Variants in GRM8 observed in about 807,000 individuals in gnomAD.
The protein encoded by GRM8 is metabotropic glutamate receptor 8.
In GRM8, 47 loss-of-function variants were observed where a neutral mutation model predicts 87.2. The observed-to-expected ratio is 0.54, with a 90% CI of 0.43 to 0.69. The LOEUF is 0.69. Among genes scored for constraint, GRM8 ranks in the 30% least tolerant of loss-of-function variants. The probability of loss-of-function intolerance (pLI) is 0.00; values close to 1 mark genes in which losing one functional copy is unlikely to be tolerated. For missense variants in GRM8, 1,019 were observed against 1,139.2 expected (o/e 0.89, Z 1.52); for synonymous variants, 396 against 404.5 (o/e 0.98, Z 0.25).
intron 2 of GRM8, among the ~76,000 whole-genome samples, chr7:127,208,518 CT>C (rs1285769892): frequency 1.3e-5 from 2 of 152,192 alleles, no homozygotes; most frequent in Non-Finnish European, 2.9e-5. Flanking sequence ...CATGATGAAA[CT>C]GACATAGCAA....
At chr7:127,164,182 C>T (rs1793297845) in intron 2 of GRM8, among the ~76,000 whole-genome samples, 1 of 152,126 alleles carries the variant, frequency 6.6e-6, no homozygotes, top group African/African-American at 2.4e-5. Flanking sequence ...TGCGATGTGC[C>T]TGCTCCCCCT....
chr7:126,964,056 G>A (rs1809590709), intron 3 of GRM8, among the ~76,000 whole-genome samples: 1 of 152,128 alleles, frequency 6.6e-6, no homozygotes, highest in South Asian at 2.1e-4. Context: ...ACAAAAACAA[G>A]AAATGGGGAA....
intron 3 of GRM8, among the ~76,000 whole-genome samples, chr7:127,025,982 C>T (rs1816740229): frequency 6.6e-6 from 1 of 152,060 alleles, no homozygotes; most frequent in Admixed American, 6.6e-5. Flanking sequence ...GGTATTTCTC[C>T]TAATGTTATC....
intron 8 of GRM8, among the ~76,000 whole-genome samples, chr7:126,602,453 T>A (rs899316780): frequency 2.5e-5 from 3 of 117,922 alleles, no homozygotes; most frequent in African/African-American, 8.3e-5. Flanking sequence ...AAAGTAGTTT[T>A]TTCCAATTCT....
chr7:127,147,039 G>A (rs1486312399), intron 2 of GRM8, among the ~76,000 whole-genome samples: 1 of 152,062 alleles, frequency 6.6e-6, no homozygotes, highest in Non-Finnish European at 1.5e-5. Flanking sequence ...CTCTCCGTAA[G>A]TTAGATGGTA....
intron 2 of GRM8, chr7:127,229,308 C>CG (rs1194028097): frequency 6.6e-6 from 1 of 152,284 alleles, no homozygotes; most frequent in Non-Finnish European, 1.5e-5. Context: ...ATGGGGCATT[C>CG]GGTAAAGGAG....
intron 6 of GRM8, among the ~76,000 whole-genome samples, chr7:126,877,319 T>C (rs1001831849): frequency 6.6e-6 from 1 of 152,232 alleles, no homozygotes; most frequent in African/African-American, 2.4e-5. Context: ...TTGGATCTTA[T>C]CACACTAAAC....
chr7:127,034,488 A>C (rs1817668572), intron 3 of GRM8, among the ~76,000 whole-genome samples: 1 of 152,214 alleles, frequency 6.6e-6, no homozygotes, highest in South Asian at 2.1e-4. Context: ...ACTGCACAAA[A>C]AACCAACAGT....
intron 2 of GRM8, among the ~76,000 whole-genome samples, chr7:127,212,308 C>T (rs772053904): frequency 4.0e-5 from 6 of 151,756 alleles, no homozygotes; most frequent in Non-Finnish European, 8.8e-5. Context: ...CATAGAATTT[C>T]GCAGGAAGTC....
chr7:126,700,669 C>T (rs898702114), intron 7 of GRM8, among the ~76,000 whole-genome samples: 1 of 152,040 alleles, frequency 6.6e-6, no homozygotes, highest in Admixed American at 6.6e-5. Context: ...CTGAGCAGGT[C>T]CATTCTCACA....
At chr7:126,699,940 T>C (rs890323558) in intron 7 of GRM8, among the ~76,000 whole-genome samples, 6 of 152,140 alleles carry the variant, frequency 3.9e-5, no homozygotes, top group African/African-American at 1.4e-4. Flanking sequence ...ATAAACTGAT[T>C]TTTTTCCAGT....
At chr7:126,496,354 C>T (rs1256347303) in intron 9 of GRM8, among the ~76,000 whole-genome samples, 1 of 151,888 alleles carries the variant, frequency 6.6e-6, no homozygotes, top group Non-Finnish European at 1.5e-5. Context: ...ATGAGGTCTA[C>T]ATACCTTAAG....
intron 2 of GRM8, among the ~76,000 whole-genome samples, chr7:127,234,257 T>G (rs1388879914): frequency 6.6e-6 from 1 of 152,230 alleles, no homozygotes; most frequent in African/African-American, 2.4e-5. Flanking sequence ...TCTTACAATC[T>G]AAGTTTCTTA....
chr7:126,780,327 T>C (rs1032451284), intron 6 of GRM8, among the ~76,000 whole-genome samples: 2 of 152,190 alleles, frequency 1.3e-5, no homozygotes, highest in Admixed American at 1.3e-4. Flanking sequence ...CATAGGGTTG[T>C]TGTCATAATT....
intron 6 of GRM8, among the ~76,000 whole-genome samples, chr7:126,882,644 A>G (rs1162287444): frequency 6.6e-6 from 1 of 152,226 alleles, no homozygotes; most frequent in African/African-American, 2.4e-5. Flanking sequence ...AAAAATAGAT[A>G]GATACACACA....
chr7:126,768,372 A>AAAAAAAAAAAAAAAAAAAAAAAC (rs1818442329), intron 7 of GRM8, among the ~76,000 whole-genome samples: 1 of 149,730 alleles, frequency 6.7e-6, no homozygotes. Context: ...AAAAAAAAAA[A>AAAAAAAAAAAAAAAAAAAAAAAC]AAAAAAAAAG....
chr7:127,106,821 C>A (rs568946859), intron 2 of GRM8, 109 bp from the exon 3 acceptor site: 3 of 744,434 alleles, frequency 4.0e-6, no homozygotes, highest in South Asian at 1.6e-5. Flanking sequence ...GACATATCAA[C>A]CTGAAGCCAA....
At chr7:126,744,709 C>T (rs1390051690) in intron 7 of GRM8, among the ~76,000 whole-genome samples, 2 of 151,848 alleles carry the variant, frequency 1.3e-5, no homozygotes, top group African/African-American at 4.8e-5. Context: ...CAAAGATTAT[C>T]TGAAAATGTT....
intron 2 of GRM8, among the ~76,000 whole-genome samples, chr7:127,131,156 T>C (rs1269506636): frequency 6.6e-6 from 1 of 152,194 alleles, no homozygotes; most frequent in East Asian, 1.9e-4. Context: ...TGAAACAGGC[T>C]CCCTCCCAAC....
Sources: gnomAD v4.1 joint callset for allele counts (sites outside exome capture counted in the v4.1 genomes callset) on GRCh38, gnomAD v4.1.1 for gene constraint, MANE v1.5 for transcripts, NCBI Gene and HGNC (gene_info 2026-07-23, HGNC 2026-07-21) for gene names.